The following TUSC3 variants were observed in gnomAD, a reference collection of about 807,000 sequenced individuals.
TUSC3 encodes the protein dolichyl-diphosphooligosaccharide--protein glycosyltransferase subunit TUSC3.
In TUSC3, 45 loss-of-function variants were observed where a neutral mutation model predicts 44.8. The ratio of observed to expected loss-of-function variants is 1.00; its 90% confidence interval spans 0.79 to 1.29. The LOEUF (loss-of-function observed/expected upper bound fraction) is 1.29, where lower values mean the gene tolerates loss of function less well. TUSC3 is among the 50% of genes most tolerant of loss of function. The probability of loss-of-function intolerance (pLI) is 0.00; values close to 1 mark genes in which losing one functional copy is unlikely to be tolerated. For missense variants in TUSC3, 519 were observed against 437.9 expected (o/e 1.19, Z -1.65); for synonymous variants, 212 against 152.9 (o/e 1.39, Z -2.85).
intron 1 of TUSC3, among the ~76,000 whole-genome samples, chr8:15,475,072 C>G (rs1020429789): frequency 6.6e-6 from 1 of 152,078 alleles, no homozygotes; most frequent in Admixed American, 6.6e-5. Context: ...ATAGGCGCCC[C>G]CTTTATACAC....
chr8:15,542,903 G>A lies in TUSC3; in HGVS notation c.138+2335G>A, dbSNP rs558303174. ...GAGCTTAAATAGTTGATGTTTTCAA[G>A]ACTGTACTTTCAGGGATCATTTCTA... On this transcript the variant is annotated intron_variant, in intron 1 of 10. Coordinates refer to ENST00000503731, the MANE Select transcript of TUSC3 (RefSeq NM_006765.4). 7.2e-5 allele frequency among the ~76,000 whole-genome samples: 11 copies of A among 152,294 alleles called. No homozygotes were observed. The East Asian group carries it at 1.9e-3, about 27-fold the overall frequency.
chr8:15,423,987 T>TG (rs1563247238), intron 1 of TUSC3, among the ~76,000 whole-genome samples: 7 of 124,836 alleles, frequency 5.6e-5, no homozygotes, highest in African/African-American at 1.5e-4. Context: ...TTTTTTTTTT[T>TG]TTTTTTTTTT....
chr8:15,737,505 G>C (rs1248216319), intron 7 of TUSC3, among the ~76,000 whole-genome samples: 1 of 152,098 alleles, frequency 6.6e-6, no homozygotes, highest in Non-Finnish European at 1.5e-5. Context: ...TGATCAACAG[G>C]ATCAGCAAAG....
At chr8:15,690,202 C>T (rs1808837844) in intron 6 of TUSC3, among the ~76,000 whole-genome samples, 1 of 152,084 alleles carries the variant, frequency 6.6e-6, no homozygotes, top group South Asian at 2.1e-4. Flanking sequence ...TTTTAATAGG[C>T]ATTCTGATTG....
chr8:15,506,312 G>T (rs1042297531), intron 2 of TUSC3, among the ~76,000 whole-genome samples: 4 of 152,112 alleles, frequency 2.6e-5, no homozygotes, highest in African/African-American at 9.7e-5. Context: ...TACCAAGGTG[G>T]ATCATAGAAA....
intron 8 of TUSC3, among the ~76,000 whole-genome samples, chr8:15,744,564 T>G (rs114270976): frequency 0.022 from 3,400 of 152,156 alleles, 107 homozygotes; most frequent in African/African-American, 0.076. Context: ...TTAGCTAGGG[T>G]GACATGTGTG....
intron 6 of TUSC3, among the ~76,000 whole-genome samples, chr8:15,694,671 T>A (rs1320004854): frequency 4.6e-5 from 7 of 152,102 alleles, no homozygotes; most frequent in Admixed American, 4.6e-4. Context: ...CATGGTTGAC[T>A]GGCTTTGATT....
At chr8:15,736,397 T>C (rs373953584) in intron 7 of TUSC3, among the ~76,000 whole-genome samples, 23 of 152,332 alleles carry the variant, frequency 1.5e-4, no homozygotes, top group African/African-American at 5.3e-4. Context: ...AGAATTAGTA[T>C]GCATATGAAA....
In TUSC3 at chr8:15,462,253, T is replaced by C. The variant is rs145850316; in HGVS notation, n.92-21133T>C. 2.4e-3 allele frequency among the ~76,000 whole-genome samples: 358 copies of C among 152,240 alleles called. 3 individuals are homozygous for C. In the East Asian group the frequency reaches 0.045, roughly 19 times the overall value. ...CACCATTCTATGTGGCAGAGAATTTTGACGAATTATTTGACGAGTGACTTT... is the reference window on the plus strand; with the variant it reads ...CACCATTCTATGTGGCAGAGAATTTCGACGAATTATTTGACGAGTGACTTT... On this transcript the variant is annotated intron_variant and non_coding_transcript_variant, in intron 1 of 5. Coordinates refer to the TUSC3 transcript ENST00000503191.
intron 6 of TUSC3, among the ~76,000 whole-genome samples, chr8:15,725,837 G>A (rs894623748): frequency 6.6e-6 from 1 of 152,108 alleles, no homozygotes; most frequent in Non-Finnish European, 1.5e-5. Flanking sequence ...ATAAAGTACT[G>A]CACTACATTG....
At chr8:15,445,912 C>T (rs1800090168) in intron 1 of TUSC3, among the ~76,000 whole-genome samples, 1 of 148,630 alleles carries the variant, frequency 6.7e-6, no homozygotes, top group Non-Finnish European at 1.5e-5. Context: ...GGCGGAGGCG[C>T]CCCCCACCTT....
chr8:15,841,496 T>A, the TUSC3 span, among the ~76,000 whole-genome samples: 2 of 152,160 alleles, frequency 1.3e-5, no homozygotes, highest in Non-Finnish European at 2.9e-5. Flanking sequence ...AAAGAATTAA[T>A]CTTTCCTCTG....
chr8:15,498,557 T>A (rs1800913200), intron 2 of TUSC3, among the ~76,000 whole-genome samples: 1 of 152,144 alleles, frequency 6.6e-6, no homozygotes, highest in Non-Finnish European at 1.5e-5. Flanking sequence ...CTCTACATGG[T>A]TTTGTCTATT....
intron 1 of TUSC3, among the ~76,000 whole-genome samples, chr8:15,457,888 T>A (rs1336477998): frequency 6.7e-6 from 1 of 148,950 alleles, no homozygotes; most frequent in East Asian, 2.0e-4. Flanking sequence ...AATTACTAAT[T>A]AATTAATTAG....
chr8:15,525,870 T>A (rs763734060), intron 2 of TUSC3, among the ~76,000 whole-genome samples: 4 of 152,074 alleles, frequency 2.6e-5, no homozygotes, highest in Non-Finnish European at 5.9e-5. Context: ...GGGGAAAAAG[T>A]AGTCACAAAG....
chr8:15,644,639 A>T (rs986248253), intron 2 of TUSC3, among the ~76,000 whole-genome samples: 4 of 152,146 alleles, frequency 2.6e-5, no homozygotes, highest in African/African-American at 9.7e-5. Flanking sequence ...TGGAGGGCGC[A>T]TAAGGGATAA....
intron 1 of TUSC3, among the ~76,000 whole-genome samples, chr8:15,448,117 A>ATATATATATTTATTTATT (rs1276079521): frequency 2.1e-5 from 2 of 93,782 alleles, no homozygotes; most frequent in Non-Finnish European, 4.3e-5. Flanking sequence ...ACATATATAT[A>ATATATATATTTATTTATT]TATTTATTTA....
At chr8:15,513,011 C>G (rs927818010) in intron 2 of TUSC3, among the ~76,000 whole-genome samples, 4 of 137,282 alleles carry the variant, frequency 2.9e-5, no homozygotes, top group African/African-American at 1.1e-4. Flanking sequence ...AATTTTTTTC[C>G]CAGATTGCAT....
At chr8:15,692,381 T>TG (rs1808952114) in intron 6 of TUSC3, among the ~76,000 whole-genome samples, 2 of 129,140 alleles carry the variant, frequency 1.5e-5, no homozygotes, top group Non-Finnish European at 3.2e-5. Context: ...CTTTGTTTTT[T>TG]TTTTTTTTTT....
Sources: gnomAD v4.1 joint callset for allele counts (sites outside exome capture counted in the v4.1 genomes callset) on GRCh38, gnomAD v4.1.1 for gene constraint, MANE v1.5 for transcripts, NCBI Gene and HGNC (gene_info 2026-07-23, HGNC 2026-07-21) for gene names.